SAMSN1: variants seen among roughly 807,000 people sequenced by gnomAD.
The protein encoded by SAMSN1 is SAM domain, SH3 domain and nuclear localization signals 1, also known as SAM domain-containing protein SAMSN-1.
In SAMSN1, 31 loss-of-function variants were observed where a neutral mutation model predicts 42.0. That is an observed-to-expected ratio of 0.74 (90% confidence interval 0.55 to 1.00). The LOEUF (loss-of-function observed/expected upper bound fraction) is 1.00, where lower values mean the gene tolerates loss of function less well. SAMSN1 is among the 50% of genes least tolerant of loss of function. The pLI is 0.00. For synonymous variants in SAMSN1, 178 were observed against 151.9 expected, an observed-to-expected ratio of 1.17 and a Z score of -1.26; for missense variants, 464 against 439.4, an observed-to-expected ratio of 1.06 and a Z score of -0.50.
At chr21:14,566,793 C>T (rs12162519) in intron 2 of SAMSN1, among the ~76,000 whole-genome samples, 46,077 of 151,934 alleles carry the variant, frequency 0.3, 7,371 homozygotes, top group East Asian at 0.48. Flanking sequence ...CCACCTCGGC[C>T]TCCCAAAGTG....
At chr21:14,641,422 G>A (rs1395298450) in intron 2 of SAMSN1, among the ~76,000 whole-genome samples, 2 of 152,064 alleles carry the variant, frequency 1.3e-5, no homozygotes, top group African/African-American at 4.8e-5. Context: ...TATATGTGAA[G>A]GTAAGCGCAA....
chr21:14,502,381 A>C (rs565449606), intron 5 of SAMSN1, among the ~76,000 whole-genome samples: 1 of 152,298 alleles, frequency 6.6e-6, no homozygotes, highest in South Asian at 2.1e-4. Context: ...CATCCTTCCT[A>C]TTATCCTTGA....
chr21:14,621,375 C>T (rs1329375714), intron 2 of SAMSN1, among the ~76,000 whole-genome samples: 2 of 152,214 alleles, frequency 1.3e-5, no homozygotes, highest in Non-Finnish European at 2.9e-5. Context: ...CACAAGGGAC[C>T]AGGGAATCCT....
rs1483122353 is a variant in SAMSN1, at chr21:14,530,619, A to G, written c.58-9398T>C. 2.0e-5 allele frequency among the ~76,000 whole-genome samples: 3 copies of G among 152,210 alleles called. No individual in the cohort carries two copies. In the East Asian group the frequency reaches 5.8e-4, roughly 29 times the overall value. ...GAACTATCTCTTGAAACTAAAACTG[A>G]CAAAAAGTTTTCAACTCATGCACCA... On this transcript the variant is annotated intron_variant, in intron 1 of 7. Transcript: ENST00000400566.
upstream of SAMSN1, among the ~76,000 whole-genome samples, chr21:14,585,695 T>C (rs1981894885): frequency 6.6e-6 from 1 of 152,234 alleles, no homozygotes; most frequent in African/African-American, 2.4e-5. Context: ...ATTTTATTTA[T>C]TTTTAAAAAT....
intron 3 of SAMSN1, among the ~76,000 whole-genome samples, chr21:14,513,793 C>T (rs1173903941): frequency 6.6e-6 from 1 of 152,112 alleles, no homozygotes. Context: ...AAAGGAATAG[C>T]AACAGCAAAA....
chr21:14,559,795 C>T (rs1420595555), intron 2 of SAMSN1, among the ~76,000 whole-genome samples: 1 of 152,048 alleles, frequency 6.6e-6, no homozygotes, highest in Non-Finnish European at 1.5e-5. Context: ...TGTAAGCCAC[C>T]AAGCCTGGCC....
chr21:14,607,504 C>A (rs1024071764), intron 5 of SAMSN1, among the ~76,000 whole-genome samples: 1 of 152,186 alleles, frequency 6.6e-6, no homozygotes, highest in Admixed American at 6.5e-5. Context: ...GACTCAACTG[C>A]TACTACTGAA....
Position 14,597,419 on chromosome 21 carries a change from C to A in SAMSN1, c.400-3341G>T, listed in dbSNP as rs527402226. 2.6e-5 allele frequency among the ~76,000 whole-genome samples: 4 copies of A among 152,106 alleles called. No homozygotes were observed. The South Asian group carries it at 8.3e-4, about 32-fold the overall frequency. On this transcript the variant is annotated intron_variant, in intron 6 of 15. Coordinates refer to the SAMSN1 transcript ENST00000647101. ...GCCAATATTTTATTTGTTAGTAATC[C>A]AATTTTCATCTTAAGGACTAAATGA...
chr21:14,583,447 C>T, upstream of SAMSN1: 1 of 514,004 alleles, frequency 1.9e-6, no homozygotes, highest in South Asian at 2.3e-5. Flanking sequence ...GTCTTGAAGG[C>T]AAGGAGAAAC....
Position 14,485,893 on chromosome 21 carries a change from T to C in SAMSN1, c.*19A>G, listed in dbSNP as rs1405643844. ...TTAAAATGGAATGCATCTGTAGATA[T>C]ATAGTTGGGAATGCGTGTTCAGTCA... On this transcript the variant is annotated 3_prime_UTR_variant, in exon 8 of 8. Transcript: ENST00000400566. 6 of 1,592,692 alleles carry C rather than the reference T, an allele frequency of 3.8e-6. No homozygotes were observed. The highest frequency in any genetic ancestry group is 2.2e-5 in the East Asian group (1 of 44,740).
chr21:14,539,238 A>T (rs930414295), intron 1 of SAMSN1, among the ~76,000 whole-genome samples: 1 of 152,244 alleles, frequency 6.6e-6, no homozygotes, highest in East Asian at 1.9e-4. Flanking sequence ...ACAATAAGAC[A>T]GGGATGCCCT....
intron 2 of SAMSN1, 138 bp downstream of exon 2, chr21:14,521,012 T>C (rs2123037894): frequency 1.6e-6 from 1 of 635,648 alleles, no homozygotes; most frequent in South Asian, 2.1e-5. Context: ...TTTGTTCATT[T>C]ATCACAAAAA....
At chr21:14,578,196 A>T (rs1289540843) in intron 2 of SAMSN1, among the ~76,000 whole-genome samples, 1 of 152,148 alleles carries the variant, frequency 6.6e-6, no homozygotes, top group African/African-American at 2.4e-5. Context: ...GCAAAGAGTT[A>T]CTCAGAGGAA....
upstream of SAMSN1, chr21:14,583,416 C>T (rs950824887): frequency 1.1e-5 from 5 of 463,762 alleles, no homozygotes; most frequent in Non-Finnish European, 7.7e-6. Flanking sequence ...ATTGCTCTCT[C>T]TCACTGTGTC....
chr21:14,579,669 G>T (rs1981639160), intron 2 of SAMSN1, among the ~76,000 whole-genome samples: 1 of 129,490 alleles, frequency 7.7e-6, no homozygotes, highest in South Asian at 2.4e-4. Context: ...TTTTTTGGAG[G>T]CAGGGTCTCA....
intron 1 of SAMSN1, among the ~76,000 whole-genome samples, chr21:14,525,380 A>T (rs979180573): frequency 2.6e-5 from 4 of 152,220 alleles, no homozygotes; most frequent in Non-Finnish European, 5.9e-5. Flanking sequence ...AGTCAGTCGG[A>T]AAAAATACAG....
At chr21:14,614,111 T>C (rs970263937) in intron 3 of SAMSN1, among the ~76,000 whole-genome samples, 1 of 152,202 alleles carries the variant, frequency 6.6e-6, no homozygotes, top group East Asian at 1.9e-4. Context: ...TCAGAAATAT[T>C]GTAATAGTGA....
intron 2 of SAMSN1, among the ~76,000 whole-genome samples, chr21:14,519,367 C>A (rs1413996643): frequency 6.6e-6 from 1 of 152,088 alleles, no homozygotes; most frequent in Non-Finnish European, 1.5e-5. Flanking sequence ...CATGAGCTAT[C>A]TTGTACAGGT....
Sources: gnomAD v4.1 joint callset for allele counts (sites outside exome capture counted in the v4.1 genomes callset) on GRCh38, gnomAD v4.1.1 for gene constraint, MANE v1.5 for transcripts, NCBI Gene and HGNC (gene_info 2026-07-23, HGNC 2026-07-21) for gene names.